Variants in HIVEP3 observed in about 807,000 individuals in gnomAD.
The protein encoded by HIVEP3 is HIVEP zinc finger 3, also known as transcription factor HIVEP3.
HIVEP3 carries 49 observed loss-of-function variants against 152.8 expected under a neutral mutation model. The ratio of observed to expected loss-of-function variants is 0.32; its 90% CI spans 0.26 to 0.41. HIVEP3 has a LOEUF of 0.41. HIVEP3 is among the 10% of genes least tolerant of loss of function. The pLI is 1.00. For missense variants in HIVEP3, 2,790 were observed against 3,103.3 expected, an observed-to-expected ratio of 0.90 and a Z score of 2.40; for synonymous variants, 1,269 against 1,289.0, an observed-to-expected ratio of 0.98 and a Z score of 0.33.
At chr1:41,794,077 A>C (rs896394367) in intron 1 of HIVEP3, among the ~76,000 whole-genome samples, 1 of 152,216 alleles carries the variant, frequency 6.6e-6, no homozygotes, top group Non-Finnish European at 1.5e-5. Flanking sequence ...TCATGCTGCT[A>C]ATAAAGACAT....
chr1:41,703,976 A>C (rs1244657684), intron 1 of HIVEP3, among the ~76,000 whole-genome samples: 2 of 152,178 alleles, frequency 1.3e-5, no homozygotes, highest in African/African-American at 4.8e-5. Flanking sequence ...CAGACACTTA[A>C]ATTCAAGTCC....
intron 1 of HIVEP3, among the ~76,000 whole-genome samples, chr1:41,707,583 C>T (rs1646453366): frequency 6.6e-6 from 1 of 152,096 alleles, no homozygotes; most frequent in African/African-American, 2.4e-5. Context: ...GGTTTTTGAT[C>T]CATTTTCATT....
intron 3 of HIVEP3, among the ~76,000 whole-genome samples, chr1:41,589,078 G>T (rs905778693): frequency 6.6e-6 from 1 of 152,200 alleles, no homozygotes; most frequent in Non-Finnish European, 1.5e-5. Flanking sequence ...ACCTTCTGTG[G>T]TTCTGAGGGT....
chr1:41,812,093 T>C lies in HIVEP3; in HGVS notation c.-801+106320A>G, dbSNP rs147993404. The stretch of plus-strand genomic sequence containing the variant: ...CAAAATGACCCAGGTCATTAATCTC[T>C]CTGCTGCTTTGAGACATACACAGGT... On this transcript the variant is annotated intron_variant, in intron 1 of 8. Transcript: ENST00000372583. Among the ~76,000 whole-genome samples the C allele has an allele frequency of 5.3e-3, 811 of 152,274 alleles. 8 individuals carry two copies. The highest frequency in any genetic ancestry group is 0.018 in the African/African-American group (767 of 41,540).
rs375008145 is a variant in HIVEP3 at position 41,510,667 on chromosome 1, C to A, written c.7005G>T (p.Pro2335=). 4 of 1,526,324 alleles carry A rather than the reference C, an allele frequency of 2.6e-6. No individual in the cohort carries two copies. The South Asian group carries it at 3.7e-5, about 14-fold the overall frequency. The allele number at this position is 1,526,324 out of a possible 1,614,324, so 94.5% of individuals were successfully genotyped here. ...AAGGCTCGGGGTTGGTCGGTGCACG[C>A]GGGGACTCCAAGCGGGGGCTCCAGG... is the stretch of plus-strand genomic sequence containing the variant. The part of the protein sequence containing the change: ...AQSWSPRLES[P]RAPTNPEPSA... Residue 2335 remains proline, a synonymous_variant, in exon 9 of 9, where the codon CCG becomes CCT. Transcript: ENST00000372583.
chr1:41,798,655 C>T (rs1243205487), intron 1 of HIVEP3, among the ~76,000 whole-genome samples: 3 of 152,114 alleles, frequency 2.0e-5, no homozygotes, highest in Non-Finnish European at 4.4e-5. Flanking sequence ...TGTATTTTTG[C>T]ACCTACACTC....
chr1:41,896,391 T>A (rs1644527468), intron 1 of HIVEP3, among the ~76,000 whole-genome samples: 1 of 152,176 alleles, frequency 6.6e-6, no homozygotes, highest in Non-Finnish European at 1.5e-5. Flanking sequence ...ACTTGCGTGG[T>A]GTCCAAAGAC....
At chr1:41,605,165 G>A (rs1253614064) in intron 3 of HIVEP3, among the ~76,000 whole-genome samples, 2 of 131,762 alleles carry the variant, frequency 1.5e-5, no homozygotes, top group East Asian at 2.2e-4. Flanking sequence ...GGGGTGGAGA[G>A]GGGAGGGGAG....
chr1:41,583,196 AG>A lies in HIVEP3; in HGVS notation c.1601del (p.Pro534LeufsTer5). 5 of 1,489,074 alleles carry A rather than the reference AG, an allele frequency of 3.4e-6. No homozygotes were observed. Among genetic ancestry groups the A allele is most frequent in the Non-Finnish European group, 3.7e-6 (4 of 1,074,648 alleles). 92.2% of individuals were successfully genotyped at this position (1,489,074 alleles called of 1,614,324 possible). A position where few individuals can be genotyped will look rare whatever the true frequency, so the allele number is the denominator to read the frequency against. ...TTGAGTGGCTTCTCAGGAGAGGCAC[AG>A]GGGGGGCGGTACTGGGCGGGTGCTG... ...SLQHPPSTAP[P>X]VPLLRSHSMP... On this transcript the variant is annotated frameshift_variant, in exon 4 of 9. Transcript: ENST00000372583. LOFTEE classifies it high-confidence loss of function. The surrounding 1 kb of genome is among the most constrained non-coding windows in gnomAD (Gnocchi z 6.9).
chr1:41,697,773 C>T (rs1646299409), intron 2 of HIVEP3, among the ~76,000 whole-genome samples: 1 of 152,302 alleles, frequency 6.6e-6, no homozygotes, highest in Admixed American at 6.5e-5. Context: ...CTTCCAGGGC[C>T]CAGTTCATCC....
upstream of HIVEP3, among the ~76,000 whole-genome samples, chr1:41,922,847 A>C (rs1644948425): frequency 6.6e-6 from 1 of 152,084 alleles, no homozygotes; most frequent in African/African-American, 2.4e-5. Flanking sequence ...GGAAGGGAAG[A>C]GAGAGATAAA....
intron 2 of HIVEP3, among the ~76,000 whole-genome samples, chr1:41,636,730 A>T (rs1162391896): frequency 6.6e-6 from 1 of 152,198 alleles, no homozygotes; most frequent in Non-Finnish European, 1.5e-5. Flanking sequence ...ATATTTAAAA[A>T]TGTGGATCAC....
intron 5 of HIVEP3, among the ~76,000 whole-genome samples, chr1:41,538,726 G>A (rs927552293): frequency 3.9e-5 from 6 of 152,206 alleles, no homozygotes; most frequent in Admixed American, 3.3e-4. Flanking sequence ...AAGCCAGCTT[G>A]GGTCTGTCAA....
intron 1 of HIVEP3, among the ~76,000 whole-genome samples, chr1:41,946,796 C>A (rs559756517): frequency 1.3e-5 from 2 of 152,176 alleles, no homozygotes; most frequent in African/African-American, 2.4e-5. Flanking sequence ...CTCTTAGACC[C>A]GAGGCCCTAC....
At chr1:41,725,732 C>T (rs1646742731) in intron 1 of HIVEP3, among the ~76,000 whole-genome samples, 1 of 152,162 alleles carries the variant, frequency 6.6e-6, no homozygotes. Flanking sequence ...AGGATAGGCT[C>T]AACAATACTG....
rs1184823372 is a variant in HIVEP3, at chr1:41,998,887, C to CTTTTTTTTTTTT, written n.119+36919_119+36920insAAAAAAAAAAAA. On this transcript the variant is annotated intron_variant and non_coding_transcript_variant, in intron 1 of 3. Coordinates refer to the HIVEP3 transcript ENST00000489103. Reference sequence around the variant, plus strand: ...GCTGGTTTTTAATACTTTTCTCTCTCTCTTTTTTTTTTTTTTTTTTTTTTT... The same window carrying CTTTTTTTTTTTT: ...GCTGGTTTTTAATACTTTTCTCTCTCTTTTTTTTTTTTTCTTTTTTTTTTTTTTTTTTTTTTT... Among the ~76,000 whole-genome samples the CTTTTTTTTTTTT allele has an allele frequency of 3.0e-4, 23 of 77,314 alleles. 1 individual carries two copies. Among genetic ancestry groups the CTTTTTTTTTTTT allele is most frequent in the African/African-American group, 3.6e-4 (6 of 16,800 alleles). The allele number at this position is 77,314 out of a possible 152,430, so 50.7% of individuals were successfully genotyped here. A position where few individuals can be genotyped will look rare whatever the true frequency, so the allele number is the denominator to read the frequency against.
intron 1 of HIVEP3, among the ~76,000 whole-genome samples, chr1:41,838,334 C>CTGGTT (rs1643188071): frequency 6.6e-6 from 1 of 152,052 alleles, no homozygotes; most frequent in African/African-American, 2.4e-5. Context: ...CTTTTATAAC[C>CTGGTT]ACTCCCATCC....
intron 3 of HIVEP3, among the ~76,000 whole-genome samples, chr1:41,624,407 A>G (rs1645087954): frequency 6.6e-6 from 1 of 152,262 alleles, no homozygotes; most frequent in African/African-American, 2.4e-5. Context: ...GCACATGGGA[A>G]CACACTGAAT....
chr1:41,944,398 A>G (rs555291931), intron 1 of HIVEP3, among the ~76,000 whole-genome samples: 2 of 152,238 alleles, frequency 1.3e-5, no homozygotes, highest in Non-Finnish European at 2.9e-5. Flanking sequence ...TATCCTCTCC[A>G]GAGCCATTAA....
Sources: allele counts gnomAD v4.1 joint callset (sites outside exome capture counted in the v4.1 genomes callset), GRCh38; gene constraint gnomAD v4.1.1; non-coding constraint Gnocchi (gnomAD v3.1); transcripts MANE v1.5; gene names NCBI Gene and HGNC (gene_info 2026-07-23, HGNC 2026-07-21).